Variants in LDLRAD4 observed in about 807,000 individuals in gnomAD.
LDLRAD4 encodes low-density lipoprotein receptor class A domain-containing protein 4.
In LDLRAD4, 5 loss-of-function variants were observed where a neutral mutation model predicts 17.0. The observed-to-expected ratio is 0.29, with a 90% CI of 0.15 to 0.62. LDLRAD4 has a LOEUF of 0.62. Ranked by LOEUF, LDLRAD4 falls within the 20% of genes least tolerant of loss-of-function variation. The pLI is 0.84. For missense variants in LDLRAD4, 340 were observed against 424.7 expected (o/e 0.80, Z 1.75); for synonymous variants, 168 against 171.8 (o/e 0.98, Z 0.17).
chr18:13,594,922 T>A (rs1293690), intron 3 of LDLRAD4, among the ~76,000 whole-genome samples: 138,389 of 152,088 alleles, frequency 0.91, 62,995 homozygotes, highest in East Asian at 1. Context: ...TTTACTTGTT[T>A]CAGGTCTATT....
chr18:13,543,176 G>A (rs1477981844), intron 3 of LDLRAD4: 1 of 152,172 alleles, frequency 6.6e-6, no homozygotes, highest in Non-Finnish European at 1.5e-5. Flanking sequence ...AAGCCATCTG[G>A]TGTGGATAAC....
At chr18:13,607,163 CAG>C (rs2095233053) in intron 3 of LDLRAD4, among the ~76,000 whole-genome samples, 1 of 152,174 alleles carries the variant, frequency 6.6e-6, no homozygotes. Flanking sequence ...ATGGGAGTGT[CAG>C]AGTCAGACTA....
intron 3 of LDLRAD4, among the ~76,000 whole-genome samples, chr18:13,578,827 CTTTTTTTTTT>C (rs1003295658): frequency 3.5e-4 from 23 of 65,696 alleles, no homozygotes; most frequent in South Asian, 2.2e-3. Flanking sequence ...TTGTCCGGGT[CTTTTTTTTTT>C]TTTTTTTTTT....
chr18:13,401,954 C>T (rs1007879575), intron 2 of LDLRAD4, among the ~76,000 whole-genome samples: 10 of 152,176 alleles, frequency 6.6e-5, no homozygotes, highest in African/African-American at 2.2e-4. Context: ...TCACAGTTTC[C>T]AACGGTGGTT....
At chr18:13,306,986 A>C (rs1471623731) in intron 1 of LDLRAD4, among the ~76,000 whole-genome samples, 2 of 152,186 alleles carry the variant, frequency 1.3e-5, no homozygotes, top group Non-Finnish European at 2.9e-5. Flanking sequence ...AACATAGAAG[A>C]AGCAGTGCCA....
chr18:13,517,609 C>T (rs11873975), intron 3 of LDLRAD4, among the ~76,000 whole-genome samples: 1,676 of 152,288 alleles, frequency 0.011, 21 homozygotes, highest in African/African-American at 0.037. Flanking sequence ...TGGAGGCACA[C>T]GTGGGGTTCC....
chr18:13,303,014 A>T (rs890283240), intron 1 of LDLRAD4, among the ~76,000 whole-genome samples: 5 of 152,190 alleles, frequency 3.3e-5, no homozygotes, highest in Admixed American at 3.3e-4. Context: ...AGAAAGATTT[A>T]TTGGGGGTAG....
At chr18:13,602,493 ATTTTTTTTTT>A (rs36122294) in intron 3 of LDLRAD4, among the ~76,000 whole-genome samples, 1 of 95,022 alleles carries the variant, frequency 1.1e-5, no homozygotes, top group Non-Finnish European at 2.2e-5. Flanking sequence ...ATGGCATTTA[ATTTTTTTTTT>A]TTTTTTTTTT....
At chr18:13,473,079 C>T (rs1279920785) in intron 3 of LDLRAD4, among the ~76,000 whole-genome samples, 2 of 152,046 alleles carry the variant, frequency 1.3e-5, no homozygotes, top group African/African-American at 2.4e-5. Flanking sequence ...CCCCCGCCCC[C>T]GCCTGCCAGC....
intron 3 of LDLRAD4, among the ~76,000 whole-genome samples, chr18:13,588,534 T>C (rs1453667681): frequency 6.6e-6 from 1 of 152,220 alleles, no homozygotes; most frequent in Non-Finnish European, 1.5e-5. Flanking sequence ...CGATTCATTA[T>C]TTTTTAAATT....
At chr18:13,643,464 G>GGGGGGGGGGGGGGGGGGGGGGGGGGGGGT in intron 5 of LDLRAD4, 52 bp downstream of exon 6, 1 of 288,994 alleles carries the variant, frequency 3.5e-6, no homozygotes, top group Non-Finnish European at 6.5e-6. Context: ...GGTGGGTGGG[G>GGGGGGGGGGGGGGGGGGGGGGGGGGGGGT]ATGAAGGGGG....
rs189063295 is a variant in LDLRAD4 at position 13,300,621 on chromosome 18, C to G, written c.-383+22433C>G. ...GAATTGGCTGTGAGATGAGTGACAG[C>G]AGGATGAAGGAATTTGGCATCTTTA... On this transcript the variant is annotated intron_variant, in intron 1 of 5. Coordinates refer to ENST00000359446, the Ensembl canonical transcript of LDLRAD4. The surrounding 1 kb of genome is among the most constrained non-coding windows in gnomAD (Gnocchi z 4.2). Among the ~76,000 whole-genome samples, 72 of 152,230 alleles carry G rather than the reference C, an allele frequency of 4.7e-4. No homozygotes were observed. Among genetic ancestry groups the G allele is most frequent in the African/African-American group, 1.7e-3 (69 of 41,530 alleles).
At chr18:13,584,784 C>T (rs929618767) in intron 3 of LDLRAD4, among the ~76,000 whole-genome samples, 1 of 152,198 alleles carries the variant, frequency 6.6e-6, no homozygotes, top group African/African-American at 2.4e-5. Flanking sequence ...TCCTGATACA[C>T]TGTAGAACCA....
At chr18:13,441,586 C>G (rs2091024256) in intron 3 of LDLRAD4, among the ~76,000 whole-genome samples, 2 of 152,204 alleles carry the variant, frequency 1.3e-5, no homozygotes, top group African/African-American at 2.4e-5. Flanking sequence ...GAGCTAGAAT[C>G]AGTTTAGTTT....
intron 3 of LDLRAD4, among the ~76,000 whole-genome samples, chr18:13,608,428 T>C (rs1236199355): frequency 6.6e-6 from 1 of 152,122 alleles, no homozygotes; most frequent in African/African-American, 2.4e-5. Context: ...AGATGCTAAC[T>C]GGGCTTAGAG....
chr18:13,632,275 G>A (rs934412277), intron 4 of LDLRAD4, among the ~76,000 whole-genome samples: 17 of 152,198 alleles, frequency 1.1e-4, no homozygotes, highest in Non-Finnish European at 2.4e-4. Flanking sequence ...GGCAGGCTGC[G>A]CTCAGCTCAC....
At chr18:13,457,652 A>G (rs529887056) in intron 3 of LDLRAD4, among the ~76,000 whole-genome samples, 1 of 152,296 alleles carries the variant, frequency 6.6e-6, no homozygotes, top group South Asian at 2.1e-4. Flanking sequence ...TGTGGGGTAC[A>G]CAAGCCAGGT....
At chr18:13,324,090 C>T (rs1488682519) in intron 1 of LDLRAD4, among the ~76,000 whole-genome samples, 4 of 128,124 alleles carry the variant, frequency 3.1e-5, no homozygotes, top group Admixed American at 7.7e-5. Flanking sequence ...CAAATCTTGA[C>T]GATGAATTAC....
chr18:13,310,922 G>C (rs1261902144), intron 1 of LDLRAD4, among the ~76,000 whole-genome samples: 1 of 152,192 alleles, frequency 6.6e-6, no homozygotes, highest in Non-Finnish European at 1.5e-5. Context: ...GATCCAGAGA[G>C]ACGTAAGTTC....
Sources: gnomAD v4.1 joint callset for allele counts (sites outside exome capture counted in the v4.1 genomes callset) on GRCh38, gnomAD v4.1.1 for gene constraint, Gnocchi (gnomAD v3.1) non-coding constraint, MANE v1.5 for transcripts, NCBI Gene and HGNC (gene_info 2026-07-23, HGNC 2026-07-21) for gene names.